Variants in CACNA1A observed in about 807,000 individuals in gnomAD.
The protein encoded by CACNA1A is calcium voltage-gated channel subunit alpha1 A, also known as voltage-dependent P/Q-type calcium channel subunit alpha-1A.
CACNA1A carries 57 observed loss-of-function variants against 262.4 expected under a neutral mutation model. The ratio of observed to expected loss-of-function variants is 0.22; its 90% CI spans 0.18 to 0.27. The LOEUF (loss-of-function observed/expected upper bound fraction) is 0.27, where lower values mean the gene tolerates loss of function less well. Ranked by LOEUF, CACNA1A falls within the 10% of genes least tolerant of loss-of-function variation. CACNA1A has a pLI of 1.00. For synonymous variants in CACNA1A, 1,431 were observed against 1,419.3 expected, an observed-to-expected ratio of 1.01 and a Z score of -0.18; for missense variants, 2,526 against 3,562.8, an observed-to-expected ratio of 0.71 and a Z score of 7.41.
intron 26 of CACNA1A, 153 bp downstream of exon 26, chr19:13,261,297 T>C: frequency 3.1e-6 from 2 of 638,788 alleles, no homozygotes; most frequent in South Asian, 4.8e-5. Context: ...ACCGGTTTTC[T>C]TTCTACCCAA....
intron 31 of CACNA1A, among the ~76,000 whole-genome samples, chr19:13,242,056 T>C (rs2056095231): frequency 6.6e-6 from 1 of 152,190 alleles, no homozygotes; most frequent in African/African-American, 2.4e-5. Context: ...TGAGACCTCC[T>C]TGCCTGCCAG....
chr19:13,320,248 G>GAGAGAGAGAC (rs1488235392), intron 10 of CACNA1A, among the ~76,000 whole-genome samples: 1 of 150,050 alleles, frequency 6.7e-6, no homozygotes, highest in Non-Finnish European at 1.5e-5. Context: ...GAGAGAGAGA[G>GAGAGAGAGAC]AGAGAGAGAG....
intron 3 of CACNA1A, among the ~76,000 whole-genome samples, chr19:13,443,950 T>G (rs2060767350): frequency 1.3e-5 from 2 of 152,180 alleles, no homozygotes; most frequent in Admixed American, 6.5e-5. Context: ...AAACTCTTAA[T>G]GTAGTCCCTG....
intron 1 of CACNA1A, among the ~76,000 whole-genome samples, chr19:13,496,543 T>C (rs1981559833): frequency 6.6e-6 from 1 of 152,162 alleles, no homozygotes; most frequent in African/African-American, 2.4e-5. Flanking sequence ...AATCATGGAA[T>C]TCTAGTATGG....
chr19:13,377,713 G>A (rs770520864), intron 3 of CACNA1A, among the ~76,000 whole-genome samples: 3 of 152,076 alleles, frequency 2.0e-5, no homozygotes, highest in Non-Finnish European at 4.4e-5. Flanking sequence ...TCTATTTCAA[G>A]TCTTATGATT....
intron 19 of CACNA1A, among the ~76,000 whole-genome samples, chr19:13,290,386 G>T (rs2057506398): frequency 7.9e-6 from 1 of 127,380 alleles, no homozygotes; most frequent in Non-Finnish European, 1.7e-5. Flanking sequence ...TGTAATGTGT[G>T]TGTGTGTCTG....
At position 13,358,690 on chromosome 19, in the gene CACNA1A, T is replaced by C. The variant is rs146908543; in HGVS notation, c.978+916A>G. Reference sequence around the variant, plus strand: ...GCAAGTGGGGGCAGGGATACATCTTTCCAGAAACATCCCTAACATTTTTAA... The same window carrying C: ...GCAAGTGGGGGCAGGGATACATCTTCCCAGAAACATCCCTAACATTTTTAA... On this transcript the variant is annotated intron_variant, in intron 6 of 46. Coordinates refer to ENST00000360228, the MANE Select transcript of CACNA1A (RefSeq NM_001127222.2). 7.4e-4 allele frequency among the ~76,000 whole-genome samples: 113 copies of C among 152,252 alleles called. 1 individual carries two copies. In the East Asian group the frequency reaches 0.017, roughly 23 times the overall value.
intron 3 of CACNA1A, among the ~76,000 whole-genome samples, chr19:13,409,296 G>C (rs1160420551): frequency 1.3e-5 from 2 of 151,568 alleles, no homozygotes; most frequent in Non-Finnish European, 2.9e-5. Flanking sequence ...ATGAGGTCAT[G>C]GTAGGAGATA....
At chr19:13,351,504 G>T (rs148033793) in intron 6 of CACNA1A, among the ~76,000 whole-genome samples, 40 of 151,822 alleles carry the variant, frequency 2.6e-4, no homozygotes, top group African/African-American at 9.2e-4. Context: ...ACCACACCCG[G>T]CTAATTAAAA....
chr19:13,452,739 A>G (rs755284717), intron 3 of CACNA1A, 137 bp downstream of exon 3: 13 of 726,408 alleles, frequency 1.8e-5, no homozygotes, highest in Non-Finnish European at 2.8e-5. Context: ...GTGTTGGCAG[A>G]AAGGAGGCAG....
At chr19:13,319,900 T>C (rs1182064157) in intron 10 of CACNA1A, among the ~76,000 whole-genome samples, 1 of 152,124 alleles carries the variant, frequency 6.6e-6, no homozygotes, top group Non-Finnish European at 1.5e-5. Context: ...AGTGAAGATG[T>C]GTCAAGATGG....
intron 27 of CACNA1A, chr19:13,258,711 G>C (rs2056639153): frequency 6.6e-6 from 1 of 152,110 alleles, no homozygotes; most frequent in African/African-American, 2.4e-5. Context: ...AGGTGAGGAT[G>C]CTGAGGGCAC....
At chr19:13,427,952 T>TTTTTTTTTTTTTTTTTTA (rs2060435530) in intron 3 of CACNA1A, among the ~76,000 whole-genome samples, 1 of 152,050 alleles carries the variant, frequency 6.6e-6, no homozygotes, top group African/African-American at 2.4e-5. Flanking sequence ...GTTGTTTTTT[T>TTTTTTTTTTTTTTTTTTA]TTGTGTGTGT....
rs1328507197 is a variant in CACNA1A at position 13,455,225 on chromosome 19, T to G, written c.294-13A>C. 67 of 1,528,442 alleles carry G rather than the reference T, an allele frequency of 4.4e-5. No homozygotes were observed. The highest frequency in any genetic ancestry group is 6.1e-5 in the Non-Finnish European group (67 of 1,102,572). 94.7% of individuals were successfully genotyped at this position (1,528,442 alleles called of 1,614,324 possible). A position where few individuals can be genotyped will look rare whatever the true frequency, so the allele number is the denominator to read the frequency against. ...ATATTCAAAGGGAGTATTGGGGAAT[T>G]AAGGAAAAATCTTGTTCAAAGAAAA... On this transcript the variant is annotated splice_polypyrimidine_tract_variant and intron_variant, in intron 1 of 46. Transcript: ENST00000360228.
At chr19:13,297,320 C>T (rs1304896629) in intron 19 of CACNA1A, among the ~76,000 whole-genome samples, 1 of 152,162 alleles carries the variant, frequency 6.6e-6, no homozygotes, top group African/African-American at 2.4e-5. Context: ...ATGCTCAAGG[C>T]CTCTGGTGCC....
In CACNA1A at chr19:13,298,676, G is replaced by A. The variant is rs2144953042; in HGVS notation, c.2957C>T (p.Ala986Val). The change falls in exon 19 of 47, where the codon GCC (alanine) becomes GTC (valine). Residue 986 changes from alanine (A) to valine (V), a missense_variant. This residue lies in a region of CACNA1A where 765 missense variants were observed against 748.6 expected (regional missense o/e 1.02). Transcript: ENST00000360228. ...RARHREGSRP[A>V]RGGEGEGEGP... ...CTCGCCCTCGCCCTCGCCGCCCCGG[G>A]CCGGCCGGCTGCCCTCGCGGTGCCG... 6.8e-7 allele frequency: 1 copy of A among 1,477,312 alleles called. No homozygotes were observed. Among genetic ancestry groups the A allele is most frequent in the Admixed American group, 2.6e-5 (1 of 38,426 alleles). 91.5% of individuals were successfully genotyped at this position (1,477,312 alleles called of 1,614,324 possible).
At chr19:13,312,098 C>T (rs1342967519) in intron 12 of CACNA1A, among the ~76,000 whole-genome samples, 2 of 152,040 alleles carry the variant, frequency 1.3e-5, no homozygotes, top group Non-Finnish European at 2.9e-5. Context: ...TGCCCTGGTT[C>T]GATGAGAAGG....
In CACNA1A at chr19:13,283,151, C is replaced by T. The variant is rs146068037; in HGVS notation, c.3822+116G>A. On this transcript the variant is annotated intron_variant, in intron 22 of 46. Coordinates refer to ENST00000360228, the MANE Select transcript of CACNA1A (RefSeq NM_001127222.2). ...CCCTCTCAACCAGCAGCCATAAGGGCTATGCCTAGGGGTGACCCCAACATC... is the reference window on the plus strand; with the variant it reads ...CCCTCTCAACCAGCAGCCATAAGGGTTATGCCTAGGGGTGACCCCAACATC... The T allele has an allele frequency of 6.8e-5, 86 of 1,257,266 alleles. No homozygotes were observed. The East Asian group carries it at 1.3e-3, about 20-fold the overall frequency. 77.9% of individuals were successfully genotyped at this position (1,257,266 alleles called of 1,614,324 possible).
intron 3 of CACNA1A, among the ~76,000 whole-genome samples, chr19:13,415,993 T>G (rs1424472263): frequency 6.6e-6 from 1 of 152,118 alleles, no homozygotes; most frequent in Non-Finnish European, 1.5e-5. Flanking sequence ...CTTCCTACGC[T>G]GATAAAAATA....
Sources: gnomAD v4.1 joint callset for allele counts (sites outside exome capture counted in the v4.1 genomes callset) on GRCh38, gnomAD v4.1.1 for gene constraint, gnomAD v4.1.1 regional missense constraint, MANE v1.5 for transcripts, NCBI Gene and HGNC (gene_info 2026-07-23, HGNC 2026-07-21) for gene names.